The following GNAQ variants were observed in gnomAD, a reference collection of about 807,000 sequenced individuals.
GNAQ encodes the protein guanine nucleotide-binding protein G(q) subunit alpha.
In GNAQ, 8 loss-of-function variants were observed where a neutral mutation model predicts 43.9. That is an observed-to-expected ratio of 0.18 (90% CI 0.11 to 0.33). GNAQ has a LOEUF of 0.33. GNAQ is among the 10% of genes least tolerant of loss of function. The pLI is 1.00. For missense variants in GNAQ, 158 were observed against 450.8 expected (o/e 0.35, Z 5.88); for synonymous variants, 155 against 170.7 (o/e 0.91, Z 0.71).
intron 5 of GNAQ, among the ~76,000 whole-genome samples, chr9:77,789,812 T>C (rs185743400): frequency 5.9e-5 from 9 of 152,262 alleles, no homozygotes; most frequent in Admixed American, 5.9e-4. Flanking sequence ...ACAAAAAGTG[T>C]TCATGTGTGT....
chr9:77,744,369 A>G (rs1399985512), intron 5 of GNAQ, among the ~76,000 whole-genome samples: 1 of 152,184 alleles, frequency 6.6e-6, no homozygotes, highest in Non-Finnish European at 1.5e-5. Flanking sequence ...AGCCTTTTGG[A>G]TAATTTACTC....
chr9:77,902,713 A>C (rs1828633514), intron 2 of GNAQ, among the ~76,000 whole-genome samples: 1 of 152,184 alleles, frequency 6.6e-6, no homozygotes, highest in African/African-American at 2.4e-5. Flanking sequence ...AATGAACGCC[A>C]ATTTGTTTTT....
At chr9:77,773,526 C>G (rs746580195) in intron 5 of GNAQ, among the ~76,000 whole-genome samples, 2 of 152,184 alleles carry the variant, frequency 1.3e-5, no homozygotes, top group Non-Finnish European at 2.9e-5. Flanking sequence ...GATTAACCAG[C>G]CTGAAATGAG....
At chr9:77,944,424 T>C (rs1307625613) in intron 1 of GNAQ, among the ~76,000 whole-genome samples, 3 of 151,876 alleles carry the variant, frequency 2.0e-5, no homozygotes, top group Non-Finnish European at 4.4e-5. Context: ...TCAATCATCC[T>C]TGCACCATCA....
At chr9:77,823,140 C>T (rs577247163) in intron 2 of GNAQ, among the ~76,000 whole-genome samples, 13 of 151,836 alleles carry the variant, frequency 8.6e-5, no homozygotes, top group East Asian at 1.9e-4. Flanking sequence ...GGGGTTTCAC[C>T]GTGTTAGCCA....
rs1829234170 is a variant in GNAQ at position 77,936,497 on chromosome 9, T to C, written c.137-14152A>G. Reference sequence around the variant, plus strand: ...GCAACCTTCCCCCTGAAATGTTTCATCATAGAAAAGATAAAAAAGTCATTA... The same window carrying C: ...GCAACCTTCCCCCTGAAATGTTTCACCATAGAAAAGATAAAAAAGTCATTA... On this transcript the variant is annotated intron_variant, in intron 1 of 6. Coordinates refer to ENST00000286548, the MANE Select transcript of GNAQ (RefSeq NM_002072.5). Among the ~76,000 whole-genome samples the C allele has an allele frequency of 2.6e-5, 4 of 152,140 alleles. No homozygotes were observed. In the South Asian group the frequency reaches 8.3e-4, roughly 31 times the overall value.
chr9:77,745,748 T>A (rs1825719059), intron 5 of GNAQ, among the ~76,000 whole-genome samples: 3 of 151,520 alleles, frequency 2.0e-5, no homozygotes, highest in Admixed American at 2.0e-4. Flanking sequence ...ATTTAAAAAA[T>A]TTCAGAAAAA....
intron 2 of GNAQ, among the ~76,000 whole-genome samples, chr9:77,884,233 C>G (rs1180823300): frequency 1.3e-5 from 2 of 152,180 alleles, no homozygotes; most frequent in African/African-American, 4.8e-5. Flanking sequence ...ACTCCTCCAG[C>G]ACTTGCTTCT....
chr9:77,730,255 A>T (rs946341940), intron 5 of GNAQ, among the ~76,000 whole-genome samples: 5 of 152,198 alleles, frequency 3.3e-5, no homozygotes, highest in African/African-American at 1.2e-4. Flanking sequence ...CTCCAAACTT[A>T]TACAAGGAAG....
intron 5 of GNAQ, among the ~76,000 whole-genome samples, chr9:77,751,032 C>T (rs2118292125): frequency 6.6e-6 from 1 of 152,264 alleles, no homozygotes; most frequent in East Asian, 1.9e-4. Context: ...TCAAGTTTTT[C>T]CCTTTTGGTG....
At chr9:77,736,456 C>A (rs1825577882) in intron 5 of GNAQ, among the ~76,000 whole-genome samples, 1 of 152,042 alleles carries the variant, frequency 6.6e-6, no homozygotes, top group South Asian at 2.1e-4. Flanking sequence ...TTAGTCTAGG[C>A]AAATCTTTGC....
At chr9:77,912,296 C>T (rs1339069105) in intron 2 of GNAQ, among the ~76,000 whole-genome samples, 1 of 152,136 alleles carries the variant, frequency 6.6e-6, no homozygotes, top group African/African-American at 2.4e-5. Context: ...CTGTATTGCT[C>T]TGGGTAAAGG....
chr9:77,789,934 TGAA>T (rs1408607182), intron 5 of GNAQ, among the ~76,000 whole-genome samples: 3 of 150,596 alleles, frequency 2.0e-5, no homozygotes, highest in Admixed American at 6.6e-5. Flanking sequence ...AACAAAGAGA[TGAA>T]GAAGGAGTAC....
At chr9:77,935,576 A>G (rs1829219289) in intron 1 of GNAQ, among the ~76,000 whole-genome samples, 1 of 152,232 alleles carries the variant, frequency 6.6e-6, no homozygotes, top group East Asian at 1.9e-4. Flanking sequence ...CTTTTAGGTT[A>G]TAATTACTCC....
chr9:78,022,514 G>A (rs550537884), intron 1 of GNAQ, among the ~76,000 whole-genome samples: 3 of 152,162 alleles, frequency 2.0e-5, no homozygotes, highest in East Asian at 1.9e-4. Flanking sequence ...GCCATAAAAG[G>A]TGCTTATTTA....
At chr9:77,991,380 A>G (rs949490568) in intron 1 of GNAQ, among the ~76,000 whole-genome samples, 4 of 152,176 alleles carry the variant, frequency 2.6e-5, no homozygotes, top group Admixed American at 2.6e-4. Context: ...AAATACCAGA[A>G]AAGGCCTAAT....
chr9:77,767,782 C>G (rs1473681908), intron 5 of GNAQ, among the ~76,000 whole-genome samples: 1 of 152,126 alleles, frequency 6.6e-6, no homozygotes, highest in Non-Finnish European at 1.5e-5. Context: ...CCTTTATGTC[C>G]TCTCAGCCCA....
intron 5 of GNAQ, among the ~76,000 whole-genome samples, chr9:77,777,686 T>C (rs1403354351): frequency 6.6e-6 from 1 of 152,018 alleles, no homozygotes; most frequent in Non-Finnish European, 1.5e-5. Context: ...AAATAGACAT[T>C]TCTCCAAAGA....
intron 2 of GNAQ, among the ~76,000 whole-genome samples, chr9:77,846,078 C>T (rs911864986): frequency 6.6e-6 from 1 of 152,202 alleles, no homozygotes; most frequent in African/African-American, 2.4e-5. Flanking sequence ...GGTCACAAAC[C>T]AGCCGTCTGT....
Sources: gnomAD v4.1 joint callset for allele counts (sites outside exome capture counted in the v4.1 genomes callset) on GRCh38, gnomAD v4.1.1 for gene constraint, MANE v1.5 for transcripts, NCBI Gene and HGNC (gene_info 2026-07-23, HGNC 2026-07-21) for gene names.